The following ZNF560 variants were observed in gnomAD, a reference collection of about 807,000 sequenced individuals.
The protein encoded by ZNF560 is zinc finger protein 560.
Under a neutral mutation model 81.8 loss-of-function variants are expected in ZNF560, and 54 were observed. That is an observed-to-expected ratio of 0.66 (90% CI 0.53 to 0.83). The LOEUF is 0.83. Among genes scored for constraint, ZNF560 ranks in the 40% least tolerant of loss-of-function variants. The pLI, the probability that ZNF560 is intolerant of heterozygous loss-of-function variation, is 0.00. For synonymous variants in ZNF560, 321 were observed against 317.9 expected, an observed-to-expected ratio of 1.01 and a Z score of -0.10; for missense variants, 940 against 932.4, an observed-to-expected ratio of 1.01 and a Z score of -0.11.
intron 2 of ZNF560, among the ~76,000 whole-genome samples, chr19:9,487,285 A>T (rs1256460000): frequency 6.6e-6 from 1 of 152,228 alleles, no homozygotes; most frequent in Non-Finnish European, 1.5e-5. Context: ...TTCTCAGCAC[A>T]GAGGAACAAG....
At chr19:9,490,548 G>A (rs2073455633) in intron 2 of ZNF560, among the ~76,000 whole-genome samples, 1 of 152,160 alleles carries the variant, frequency 6.6e-6, no homozygotes, top group Admixed American at 6.5e-5. Context: ...GTGACATATA[G>A]TAAATGTTAT....
chr19:9,490,940 G>A (rs939046045), intron 2 of ZNF560, among the ~76,000 whole-genome samples: 6 of 152,216 alleles, frequency 3.9e-5, no homozygotes, highest in South Asian at 2.1e-4. Context: ...GTTTTCCACC[G>A]AAATAGTCTT....
the ZNF560 span, among the ~76,000 whole-genome samples, chr19:9,458,348 T>A: frequency 6.6e-6 from 1 of 152,258 alleles, no homozygotes; most frequent in Non-Finnish European, 1.5e-5. Context: ...ACTGAGAATG[T>A]CTTCGCAGAT....
chr19:9,464,419 C>T (rs1380096803), downstream of ZNF560, among the ~76,000 whole-genome samples: 1 of 152,182 alleles, frequency 6.6e-6, no homozygotes, highest in Non-Finnish European at 1.5e-5. Context: ...GAGTTCCCAC[C>T]TCTCCAGGTG....
intron 2 of ZNF560, among the ~76,000 whole-genome samples, chr19:9,494,841 A>C (rs747554484): frequency 6.6e-6 from 1 of 152,202 alleles, no homozygotes; most frequent in Non-Finnish European, 1.5e-5. Flanking sequence ...CGGGAGGCAG[A>C]GGTTGTGGTG....
chr19:9,466,342 C>CAA (rs771609940), downstream of ZNF560, among the ~76,000 whole-genome samples: 11 of 127,082 alleles, frequency 8.7e-5, no homozygotes, highest in Admixed American at 1.6e-4. Flanking sequence ...TGAGACTCAT[C>CAA]AAAAAAAAAA....
At chr19:9,457,618 C>G in the ZNF560 span, among the ~76,000 whole-genome samples, 1 of 152,194 alleles carries the variant, frequency 6.6e-6, no homozygotes, top group African/African-American at 2.4e-5. Flanking sequence ...ATTTCTCATG[C>G]CAGTTTAATT....
At chr19:9,499,434 A>C (rs565769684), upstream of ZNF560, among the ~76,000 whole-genome samples, 1 of 152,274 alleles carries the variant, frequency 6.6e-6, no homozygotes, top group South Asian at 2.1e-4. Flanking sequence ...GGCTCAAGTG[A>C]TCTGCCCGCC....
At chr19:9,505,038 T>A in the ZNF560 span, among the ~76,000 whole-genome samples, 8 of 152,170 alleles carry the variant, frequency 5.3e-5, no homozygotes, top group African/African-American at 1.9e-4. Flanking sequence ...TGAGCCAAGA[T>A]TGCATCACTG....
chr19:9,466,613 A>G lies in ZNF560; in HGVS notation c.2334T>C (p.Ala778=). The change falls in exon 10 of 10, where the codon GCT becomes GCC. Residue 778 remains alanine, a synonymous_variant. Coordinates refer to ENST00000301480, the MANE Select transcript of ZNF560 (RefSeq NM_152476.3). ...FECDQCGKAF[A]SFSARIAHLK... ...AATGTGCAATACGAGCTGAGAAAGAAGCAAAGGCTTTCCCACACTGGTCAC... is the reference window on the plus strand; with the variant it reads ...AATGTGCAATACGAGCTGAGAAAGAGGCAAAGGCTTTCCCACACTGGTCAC... 1.9e-6 allele frequency: 3 copies of G among 1,609,160 alleles called. No homozygotes were observed. The highest frequency in any genetic ancestry group is 2.5e-6 in the Non-Finnish European group (3 of 1,176,858).
chr19:9,466,896 G>A lies in ZNF560; in HGVS notation c.2051C>T (p.Ser684Phe). The change falls in exon 10 of 10, where the codon TCT becomes TTT. Residue 684 changes from serine to phenylalanine, a missense_variant. By Grantham distance (155) the Ser-to-Phe change is radical. Coordinates refer to ENST00000301480, the MANE Select transcript of ZNF560 (RefSeq NM_152476.3). ...GGAATTTCCACATGCGTTACATTCA[G>A]AGGTCTTCTCTGCTGCATGAGTTTT... Reference protein sequence around the residue: ...HLKTHAAEKTSECNACGNSFR... With the variant: ...HLKTHAAEKTFECNACGNSFR... 1.2e-6 allele frequency: 2 copies of A among 1,614,002 alleles called. No individual in the cohort carries two copies. The highest frequency in any genetic ancestry group is 1.7e-6 in the Non-Finnish European group (2 of 1,180,026).
In ZNF560 at chr19:9,466,728, T is replaced by C. The variant is rs1568448683; in HGVS notation, c.2219A>G (p.Tyr740Cys). ...HVRIHTGEKP[Y>C]KCKECGKAFR... ...GGCCTTCCCACATTCCTTACATTTATAGGGCTTCTCTCCAGTGTGAATTCG... is the reference window on the plus strand; with the variant it reads ...GGCCTTCCCACATTCCTTACATTTACAGGGCTTCTCTCCAGTGTGAATTCG... Residue 740 changes from tyrosine (Y) to cysteine (C), a missense_variant, in exon 10 of 10, where the codon TAT (tyrosine) becomes TGT (cysteine). Tyr to Cys is a radical substitution (Grantham distance 194, BLOSUM62 -2). Transcript: ENST00000301480. 3.7e-6 allele frequency: 6 copies of C among 1,614,040 alleles called. No individual in the cohort carries two copies. Among genetic ancestry groups the C allele is most frequent in the South Asian group, 1.1e-5 (1 of 91,084 alleles).
intron 7 of ZNF560, 34 bp downstream of exon 7, chr19:9,470,358 C>A: frequency 6.4e-7 from 1 of 1,573,072 alleles, no homozygotes; most frequent in Non-Finnish European, 8.6e-7. Context: ...TATCTTGTTC[C>A]AGAATAGGCT....
Position 9,489,051 on chromosome 19 carries a change from T to C in ZNF560, c.-57+9077A>G, listed in dbSNP as rs140653540. ...CAGAGGCAGAAGTCACTATGCTTCCTGTACAGCCTGCAGAACTGTGAGCCA... is the reference window on the plus strand; with the variant it reads ...CAGAGGCAGAAGTCACTATGCTTCCCGTACAGCCTGCAGAACTGTGAGCCA... On this transcript the variant is annotated intron_variant, in intron 2 of 9. Transcript: ENST00000301480. Among the ~76,000 whole-genome samples, 1,140 of 152,366 alleles carry C rather than the reference T, an allele frequency of 7.5e-3. 15 individuals are homozygous for C. The highest frequency in any genetic ancestry group is 0.026 in the African/African-American group (1,061 of 41,588).
chr19:9,480,044 C>G (rs1456467850), intron 2 of ZNF560, among the ~76,000 whole-genome samples: 1 of 152,188 alleles, frequency 6.6e-6, no homozygotes, highest in East Asian at 1.9e-4. Context: ...TAATACCCTA[C>G]TTTGAACAAC....
At chr19:9,468,641 T>C (rs1274018901) in intron 9 of ZNF560, among the ~76,000 whole-genome samples, 1 of 152,114 alleles carries the variant, frequency 6.6e-6, no homozygotes, top group Non-Finnish European at 1.5e-5. Context: ...ACACAAGGTA[T>C]GGGATCTCTC....
At chr19:9,493,185 C>G (rs765796675) in intron 2 of ZNF560, among the ~76,000 whole-genome samples, 2 of 152,090 alleles carry the variant, frequency 1.3e-5, no homozygotes, top group Non-Finnish European at 2.9e-5. Flanking sequence ...AAATGGAGGA[C>G]CAAGATCCCT....
chr19:9,487,525 C>T (rs760981809), intron 2 of ZNF560, among the ~76,000 whole-genome samples: 1 of 152,160 alleles, frequency 6.6e-6, no homozygotes. Flanking sequence ...TTATTATACT[C>T]ATAGATCCTA....
At position 9,475,382 on chromosome 19, in the gene ZNF560, G is replaced by A; in HGVS notation, c.-56-13C>T. 4 of 1,483,434 alleles carry A rather than the reference G, an allele frequency of 2.7e-6. No homozygotes were observed. The highest frequency in any genetic ancestry group is 3.7e-6 in the Non-Finnish European group (4 of 1,067,398). 91.9% of individuals were successfully genotyped at this position (1,483,434 alleles called of 1,614,324 possible). ...TTCCTAGAAAGACCTGGAAAAGAAA[G>A]AAGGCATAAGAGCCCAGACATAATC... is the stretch of plus-strand genomic sequence containing the variant. On this transcript the variant is annotated splice_polypyrimidine_tract_variant and intron_variant, in intron 2 of 9. Coordinates refer to ENST00000301480, the MANE Select transcript of ZNF560 (RefSeq NM_152476.3).
Sources: gnomAD v4.1 joint callset for allele counts (sites outside exome capture counted in the v4.1 genomes callset) on GRCh38, gnomAD v4.1.1 for gene constraint, MANE v1.5 for transcripts, NCBI Gene and HGNC (gene_info 2026-07-23, HGNC 2026-07-21) for gene names.